Variants in CELF2 observed in about 807,000 individuals in gnomAD.
CELF2 encodes the protein CUGBP Elav-like family member 2, also known as CUG triplet repeat RNA-binding protein 2.
Under a neutral mutation model 62.6 loss-of-function variants are expected in CELF2, and 8 were observed. That is an observed-to-expected ratio of 0.13 (90% CI 0.07 to 0.23). The LOEUF is 0.23. Ranked by LOEUF, CELF2 falls within the 10% of genes least tolerant of loss-of-function variation. CELF2 has a pLI of 1.00. For synonymous variants in CELF2, 258 were observed against 250.0 expected (o/e 1.03, Z -0.30); for missense variants, 333 against 671.0 (o/e 0.50, Z 5.56).
chr10:10,539,141 G>C, the CELF2 span, among the ~76,000 whole-genome samples: 3 of 152,196 alleles, frequency 2.0e-5, no homozygotes, highest in South Asian at 6.2e-4. Flanking sequence ...CTGGTTAAGA[G>C]TACAGATCTT....
At chr10:10,833,351 A>C (rs1222472509) in intron 1 of CELF2, among the ~76,000 whole-genome samples, 9 of 152,200 alleles carry the variant, frequency 5.9e-5, no homozygotes, top group Non-Finnish European at 8.8e-5. Flanking sequence ...TTCCTTACCA[A>C]CTGTGTTCAT....
At chr10:10,828,706 CT>C (rs11320156) in intron 1 of CELF2, among the ~76,000 whole-genome samples, 105,464 of 151,986 alleles carry the variant, frequency 0.69, 36,731 homozygotes, top group East Asian at 0.78. Flanking sequence ...GATTTGGTCA[CT>C]CATTTATAAA....
chr10:10,924,989 C>T (rs886817459), intron 2 of CELF2: 16 of 152,192 alleles, frequency 1.1e-4, no homozygotes, highest in African/African-American at 2.9e-4. Context: ...ATTTAAAGGA[C>T]GAGAGAGACT....
chr10:10,686,748 T>C, the CELF2 span, among the ~76,000 whole-genome samples: 1 of 151,994 alleles, frequency 6.6e-6, no homozygotes, highest in Non-Finnish European at 1.5e-5. Context: ...GAACTGTGAG[T>C]CAATTAAACC....
At chr10:10,680,503 T>C in the CELF2 span, among the ~76,000 whole-genome samples, 1 of 152,174 alleles carries the variant, frequency 6.6e-6, no homozygotes, top group Non-Finnish European at 1.5e-5. Context: ...CCCAGAAACA[T>C]GATGTATGAC....
chr10:11,154,351 A>G (rs2063894847), intron 1 of CELF2, among the ~76,000 whole-genome samples: 1 of 152,248 alleles, frequency 6.6e-6, no homozygotes, highest in African/African-American at 2.4e-5. Context: ...AAAATGTAGT[A>G]TTTGGTACTG....
the CELF2 span, among the ~76,000 whole-genome samples, chr10:10,659,839 G>A: frequency 6.6e-6 from 1 of 152,330 alleles, no homozygotes; most frequent in East Asian, 1.9e-4. Context: ...GCTTCAAAGA[G>A]ACTTAGCAGG....
At chr10:10,620,764 G>C in the CELF2 span, among the ~76,000 whole-genome samples, 2 of 146,890 alleles carry the variant, frequency 1.4e-5, no homozygotes, top group Non-Finnish European at 3.0e-5. Flanking sequence ...AAATTAGCCG[G>C]GAGTGGTGGC....
At chr10:10,639,688 T>C in the CELF2 span, among the ~76,000 whole-genome samples, 8 of 152,368 alleles carry the variant, frequency 5.3e-5, no homozygotes, top group African/African-American at 1.9e-4. Flanking sequence ...GTCTTTTTTA[T>C]GTTTCGTGTA....
chr10:11,295,626 C>T (rs12252178), intron 9 of CELF2, among the ~76,000 whole-genome samples: 17,167 of 152,106 alleles, frequency 0.11, 1,023 homozygotes, highest in Middle Eastern at 0.2. Flanking sequence ...AACCAGAAAG[C>T]GAGAGGGTTT....
At chr10:10,523,863 C>T in the CELF2 span, among the ~76,000 whole-genome samples, 2 of 152,122 alleles carry the variant, frequency 1.3e-5, no homozygotes, top group Non-Finnish European at 2.9e-5. Flanking sequence ...AAATGGAAGG[C>T]CACATACTTT....
intron 1 of CELF2, among the ~76,000 whole-genome samples, chr10:11,025,936 TCA>T (rs1451550486): frequency 6.6e-6 from 1 of 152,226 alleles, no homozygotes; most frequent in Non-Finnish European, 1.5e-5. Context: ...GGTGAAAAGC[TCA>T]GACTCTTTCC....
the CELF2 span, among the ~76,000 whole-genome samples, chr10:10,705,896 A>G: frequency 2.0e-5 from 3 of 152,156 alleles, no homozygotes; most frequent in Admixed American, 6.5e-5. Context: ...GCTCTCTAGA[A>G]TGCACCAGAT....
At chr10:11,000,469 T>C (rs751041372), upstream of CELF2, among the ~76,000 whole-genome samples, 1 of 152,242 alleles carries the variant, frequency 6.6e-6, no homozygotes, top group African/African-American at 2.4e-5. Context: ...TAAGGGGCTT[T>C]ACAATTAGTC....
intron 4 of CELF2, among the ~76,000 whole-genome samples, chr10:11,257,106 A>G (rs1319862189): frequency 6.6e-6 from 1 of 152,076 alleles, no homozygotes; most frequent in East Asian, 1.9e-4. Flanking sequence ...CTGCATCACC[A>G]GTGTCACGGG....
At chr10:10,842,037 C>T (rs960007378) in intron 1 of CELF2, among the ~76,000 whole-genome samples, 6 of 152,002 alleles carry the variant, frequency 3.9e-5, no homozygotes, top group African/African-American at 1.4e-4. Context: ...AAATATTTCT[C>T]ATTTTTTTCT....
intron 3 of CELF2, among the ~76,000 whole-genome samples, chr10:11,231,995 CT>C (rs557481588): frequency 8.5e-4 from 129 of 151,756 alleles, no homozygotes; most frequent in African/African-American, 2.8e-3. Context: ...ACCGCCCCAT[CT>C]TTTTTTTTAT....
chr10:10,739,239 A>G, the CELF2 span, among the ~76,000 whole-genome samples: 11 of 152,210 alleles, frequency 7.2e-5, no homozygotes, highest in Non-Finnish European at 8.8e-5. Flanking sequence ...AATATTAACA[A>G]AACAGTGAGA....
intron 2 of CELF2, among the ~76,000 whole-genome samples, chr10:10,954,710 C>T (rs992041229): frequency 1.3e-5 from 2 of 152,142 alleles, no homozygotes; most frequent in African/African-American, 4.8e-5. Context: ...ATCCTCAACA[C>T]CTGTCAATAA....
Sources: allele counts gnomAD v4.1 joint callset (sites outside exome capture counted in the v4.1 genomes callset), GRCh38; gene constraint gnomAD v4.1.1; transcripts MANE v1.5; gene names NCBI Gene and HGNC (gene_info 2026-07-23, HGNC 2026-07-21).